The following CELF4 variants were observed in gnomAD, a reference collection of about 807,000 sequenced individuals.
CELF4 encodes the protein CUGBP Elav-like family member 4.
A neutral mutation model predicts 59.9 loss-of-function variants in CELF4; 18 were observed. The observed-to-expected ratio is 0.30, with a 90% CI of 0.21 to 0.45. The LOEUF (loss-of-function observed/expected upper bound fraction) is 0.45, where lower values mean the gene tolerates loss of function less well. Among genes scored for constraint, CELF4 ranks in the 20% least tolerant of loss-of-function variants. CELF4 has a pLI of 1.00. For missense variants in CELF4, 456 were observed against 689.0 expected (o/e 0.66, Z 3.79); for synonymous variants, 261 against 267.1 (o/e 0.98, Z 0.22).
At chr18:37,403,475 G>C (rs990390149) in intron 2 of CELF4, among the ~76,000 whole-genome samples, 11 of 152,294 alleles carry the variant, frequency 7.2e-5, no homozygotes, top group Non-Finnish European at 1.6e-4. Context: ...CACAGGGAGG[G>C]CTGGGGACAA....
intron 2 of CELF4, among the ~76,000 whole-genome samples, chr18:37,330,193 C>A (rs535637034): frequency 6.6e-6 from 1 of 152,112 alleles, no homozygotes; most frequent in South Asian, 2.1e-4. Flanking sequence ...GTCTTCCCGG[C>A]GCTTAGCAAA....
intron 2 of CELF4, among the ~76,000 whole-genome samples, chr18:37,367,187 G>A (rs1453718019): frequency 6.6e-6 from 1 of 152,120 alleles, no homozygotes; most frequent in Non-Finnish European, 1.5e-5. Flanking sequence ...TCAGGTTGTG[G>A]TGGTGGTGGT....
At chr18:37,357,089 T>A (rs1050506819) in intron 2 of CELF4, among the ~76,000 whole-genome samples, 8 of 152,220 alleles carry the variant, frequency 5.3e-5, no homozygotes, top group South Asian at 2.1e-4. Context: ...CCATGGGGAC[T>A]ACATAGGTTT....
At chr18:37,374,712 G>A (rs532135088) in intron 2 of CELF4, among the ~76,000 whole-genome samples, 16 of 152,256 alleles carry the variant, frequency 1.1e-4, no homozygotes, top group African/African-American at 2.4e-4. Context: ...CTTCTTGCCC[G>A]GTTCCTTCTC....
In CELF4 at chr18:37,405,092, A is replaced by AC. The variant is rs113930814; in HGVS notation, c.369+80432dup. ...GGCTTGGGCCTGAAAGCAGGCCCCA[A>AC]CCCCCCCCGTGTCCTTTCCTTCAGA... On this transcript the variant is annotated intron_variant, in intron 2 of 12. Transcript: ENST00000420428. 8.0e-3 allele frequency among the ~76,000 whole-genome samples: 1,210 copies of AC among 150,984 alleles called. 12 individuals are homozygous for AC. The highest frequency in any genetic ancestry group is 9.3e-3 in the African/African-American group (381 of 41,148).
Position 37,456,024 on chromosome 18 carries a change from C to T in CELF4, c.369+29501G>A, listed in dbSNP as rs542334414. 4.6e-5 allele frequency among the ~76,000 whole-genome samples: 7 copies of T among 152,324 alleles called. No homozygotes were observed. In the South Asian group the frequency reaches 6.2e-4, roughly 14 times the overall value. ...ACTTCTTGTTGCTGAATCTGGGCCCCGTGGCTTCTGTTCTCCTCCTGAGGC... is the reference window on the plus strand; with the variant it reads ...ACTTCTTGTTGCTGAATCTGGGCCCTGTGGCTTCTGTTCTCCTCCTGAGGC... On this transcript the variant is annotated intron_variant, in intron 2 of 12. Transcript: ENST00000420428.
intron 2 of CELF4, among the ~76,000 whole-genome samples, chr18:37,476,713 C>T (rs1405881320): frequency 1.3e-5 from 2 of 152,200 alleles, no homozygotes; most frequent in Admixed American, 6.5e-5. Context: ...ACATCCATCC[C>T]GGAGCAGGAG....
chr18:37,307,286 GTCGT>G (rs2096462059), intron 3 of CELF4, among the ~76,000 whole-genome samples: 1 of 152,202 alleles, frequency 6.6e-6, no homozygotes, highest in Non-Finnish European at 1.5e-5. Flanking sequence ...CAGCCCCACA[GTCGT>G]GGGGCAATCA....
At chr18:37,451,053 T>C (rs540556283) in intron 2 of CELF4, among the ~76,000 whole-genome samples, 17 of 152,128 alleles carry the variant, frequency 1.1e-4, no homozygotes, top group Non-Finnish European at 1.8e-4. Context: ...CCCAGGGACA[T>C]GGAGATGGTG....
At chr18:37,341,452 G>T (rs902814510) in intron 2 of CELF4, among the ~76,000 whole-genome samples, 2 of 152,250 alleles carry the variant, frequency 1.3e-5, no homozygotes, top group Non-Finnish European at 2.9e-5. Flanking sequence ...CATGAGGAGG[G>T]TTAAAGGAGA....
chr18:37,440,865 G>C (rs1177256300), intron 2 of CELF4, among the ~76,000 whole-genome samples: 1 of 152,200 alleles, frequency 6.6e-6, no homozygotes, highest in South Asian at 2.1e-4. Context: ...AGACCCTCTG[G>C]GCCTTGGTTT....
At chr18:37,402,336 T>C (rs1402631733) in intron 2 of CELF4, among the ~76,000 whole-genome samples, 1 of 152,230 alleles carries the variant, frequency 6.6e-6, no homozygotes, top group African/African-American at 2.4e-5. Context: ...GGATGCTCGC[T>C]CTTGCTCCTA....
chr18:37,424,537 C>A (rs1047014966), intron 2 of CELF4, among the ~76,000 whole-genome samples: 1 of 152,174 alleles, frequency 6.6e-6, no homozygotes, highest in Non-Finnish European at 1.5e-5. Context: ...TTCCCTCAGG[C>A]ACTCTGAGCA....
Position 37,319,099 on chromosome 18 carries a change from C to T in CELF4, c.448+2704G>A, listed in dbSNP as rs61333064. On this transcript the variant is annotated intron_variant, in intron 3 of 12. Coordinates refer to ENST00000420428, the MANE Select transcript of CELF4 (RefSeq NM_020180.4). ...TCCCAGCTTTCCTGCCCATCCATGACAGCTTCCGTGTGTCACTGCCTCCTG... is the reference window on the plus strand; with the variant it reads ...TCCCAGCTTTCCTGCCCATCCATGATAGCTTCCGTGTGTCACTGCCTCCTG... Among the ~76,000 whole-genome samples the T allele has an allele frequency of 7.0e-3, 1,064 of 152,342 alleles. 14 individuals are homozygous for T. Among genetic ancestry groups the T allele is most frequent in the African/African-American group, 0.024 (996 of 41,592 alleles).
intron 1 of CELF4, among the ~76,000 whole-genome samples, chr18:37,508,974 C>A (rs75206340): frequency 6.6e-6 from 1 of 152,142 alleles, no homozygotes; most frequent in African/African-American, 2.4e-5. Context: ...CCTCCTGGGA[C>A]GTCTGCATAC....
chr18:37,318,070 C>T (rs2096929808), intron 3 of CELF4, among the ~76,000 whole-genome samples: 1 of 152,226 alleles, frequency 6.6e-6, no homozygotes, highest in South Asian at 2.1e-4. Flanking sequence ...TCTTTCTGTG[C>T]TGCTTATGAG....
intron 1 of CELF4, among the ~76,000 whole-genome samples, chr18:37,497,683 T>C (rs1030117822): frequency 2.7e-5 from 4 of 149,664 alleles, no homozygotes; most frequent in Admixed American, 2.0e-4. Flanking sequence ...AGAAAGACAA[T>C]TGGTAAGCAT....
intron 1 of CELF4, among the ~76,000 whole-genome samples, chr18:37,512,410 TC>T (rs1401389022): frequency 6.6e-6 from 1 of 151,930 alleles, no homozygotes; most frequent in Non-Finnish European, 1.5e-5. Flanking sequence ...CCGGTTCCCT[TC>T]TTTTCTCTTT....
chr18:37,523,027 G>A (rs1265440839), intron 1 of CELF4, among the ~76,000 whole-genome samples: 1 of 152,188 alleles, frequency 6.6e-6, no homozygotes, highest in Admixed American at 6.5e-5. Flanking sequence ...ATTTCGCAGT[G>A]GAGACGTTCG....
Sources: allele counts gnomAD v4.1 joint callset (sites outside exome capture counted in the v4.1 genomes callset), GRCh38; gene constraint gnomAD v4.1.1; transcripts MANE v1.5; gene names NCBI Gene and HGNC (gene_info 2026-07-23, HGNC 2026-07-21).